The following MINDY3 variants were observed in gnomAD, a reference collection of about 807,000 sequenced individuals.
The protein encoded by MINDY3 is ubiquitin carboxyl-terminal hydrolase MINDY-3.
Under a neutral mutation model 69.2 loss-of-function variants are expected in MINDY3, and 38 were observed. The ratio of observed to expected loss-of-function variants is 0.55; its 90% CI spans 0.42 to 0.72. MINDY3 has a LOEUF of 0.72. Ranked by LOEUF, MINDY3 falls within the 30% of genes least tolerant of loss-of-function variation. The pLI, the probability that MINDY3 is intolerant of heterozygous loss-of-function variation, is 0.00. For synonymous variants in MINDY3, 192 were observed against 180.1 expected (o/e 1.07, Z -0.53); for missense variants, 522 against 519.0 (o/e 1.01, Z -0.06).
intron 3 of MINDY3, among the ~76,000 whole-genome samples, chr10:15,842,926 A>T (rs1345413872): frequency 6.8e-6 from 1 of 146,938 alleles, no homozygotes; most frequent in African/African-American, 2.5e-5. Context: ...AAAAAAAAAG[A>T]CTGTTCTTTA....
chr10:15,812,667 C>CA lies in MINDY3; in HGVS notation c.882+4167dup, dbSNP rs1193263585. On this transcript the variant is annotated intron_variant, in intron 10 of 14. Transcript: ENST00000277632. The stretch of plus-strand genomic sequence containing the variant: ...GGGAAATACAAGAAGAAAGTCATGT[C>CA]AGAGAAGCTACAGCATAGCTCTCCA... 2.6e-5 allele frequency among the ~76,000 whole-genome samples: 4 copies of CA among 152,172 alleles called. No homozygotes were observed. In the East Asian group the frequency reaches 7.7e-4, roughly 29 times the overall value.
intron 8 of MINDY3, among the ~76,000 whole-genome samples, chr10:15,828,913 T>C (rs890094642): frequency 6.6e-6 from 1 of 152,176 alleles, no homozygotes; most frequent in Non-Finnish European, 1.5e-5. Flanking sequence ...AATCCTTAGG[T>C]AAGCTGCTTT....
intron 8 of MINDY3, among the ~76,000 whole-genome samples, chr10:15,827,217 T>TA (rs999963426): frequency 1.8e-5 from 2 of 113,062 alleles, no homozygotes; most frequent in African/African-American, 3.4e-5. Flanking sequence ...AGAAGCCATC[T>TA]AAAAAAAAGA....
At chr10:15,834,755 T>C (rs1479063829) in intron 6 of MINDY3, 139 bp from the exon 7 acceptor site, 3 of 595,096 alleles carry the variant, frequency 5.0e-6, no homozygotes, top group East Asian at 2.8e-5. Context: ...AGATTTGAAA[T>C]GGGGGTGCAT....
intron 10 of MINDY3, among the ~76,000 whole-genome samples, chr10:15,798,781 A>AAAACAAACAAAC (rs147975316): frequency 1.3e-5 from 2 of 151,012 alleles, no homozygotes; most frequent in African/African-American, 4.9e-5. Context: ...CTCTGTCTCA[A>AAAACAAACAAAC]AAACAAACAA....
intron 14 of MINDY3, among the ~76,000 whole-genome samples, 180 bp downstream of exon 14, chr10:15,781,975 T>C (rs1275306730): frequency 6.6e-6 from 1 of 152,158 alleles, no homozygotes; most frequent in Non-Finnish European, 1.5e-5. Flanking sequence ...CAGTTTCCAA[T>C]GCAGACTAAC....
At chr10:15,831,113 AGAG>A (rs1274839391) in intron 8 of MINDY3, among the ~76,000 whole-genome samples, 1 of 152,202 alleles carries the variant, frequency 6.6e-6, no homozygotes, top group Non-Finnish European at 1.5e-5. Flanking sequence ...AGACAGATAA[AGAG>A]GAGAAGGGAT....
chr10:15,823,113 C>G (rs1839879427), intron 8 of MINDY3, among the ~76,000 whole-genome samples: 1 of 152,134 alleles, frequency 6.6e-6, no homozygotes, highest in Non-Finnish European at 1.5e-5. Flanking sequence ...GTAGCCTTAA[C>G]TACAACATCT....
At chr10:15,801,201 G>C (rs561124191) in intron 10 of MINDY3, among the ~76,000 whole-genome samples, 1 of 152,092 alleles carries the variant, frequency 6.6e-6, no homozygotes, top group Non-Finnish European at 1.5e-5. Context: ...TGCCATAAAG[G>C]ACATTTATAA....
At position 15,820,492 on chromosome 10, in the gene MINDY3, G is replaced by A. The variant is rs547381177; in HGVS notation, c.801+1164C>T. Among the ~76,000 whole-genome samples the A allele has an allele frequency of 3.3e-5, 5 of 152,088 alleles. No individual in the cohort carries two copies. The South Asian group carries it at 1.0e-3, about 32-fold the overall frequency. ...ATGCTTAACTTTCTTTAGGATCTAC[G>A]AATGTGTGTGTATATGTGTTAGGGG... On this transcript the variant is annotated intron_variant, in intron 9 of 14. Coordinates refer to ENST00000277632, the MANE Select transcript of MINDY3 (RefSeq NM_024948.4).
chr10:15,852,189 G>T lies in MINDY3; in HGVS notation c.95-4246C>A, dbSNP rs139970017. Among the ~76,000 whole-genome samples the T allele has an allele frequency of 4.6e-5, 7 of 152,106 alleles. No homozygotes were observed. In the East Asian group the frequency reaches 1.2e-3, roughly 25 times the overall value. ...TCTTAATCATCTGCCTTGCCTGACC[G>T]GTGTTGTATCTGTGTTACTGGTCAT... On this transcript the variant is annotated intron_variant, in intron 1 of 14. Coordinates refer to ENST00000277632, the MANE Select transcript of MINDY3 (RefSeq NM_024948.4).
In MINDY3 at chr10:15,816,860, G is replaced by C; in HGVS notation, c.857C>G (p.Thr286Ser). 1.2e-6 allele frequency: 2 copies of C among 1,613,334 alleles called. No individual in the cohort carries two copies. The highest frequency in any genetic ancestry group is 4.5e-5 in the East Asian group (2 of 44,786). ...CTTGGCAAAAAATACGGTGAGGTGA[G>C]TCTCACTGCCAACAATCCAAATAGG... ...KFPIWIVGSETHLTVFFAKDM... is the reference protein window; with the variant it reads ...KFPIWIVGSESHLTVFFAKDM... Residue 286 changes from threonine (T) to serine (S), a missense_variant, in exon 10 of 15, where the codon ACT (threonine) becomes AGT (serine). Transcript: ENST00000277632.
At chr10:15,784,181 A>T (rs948003599) in intron 13 of MINDY3, among the ~76,000 whole-genome samples, 2 of 152,182 alleles carry the variant, frequency 1.3e-5, no homozygotes, top group Non-Finnish European at 2.9e-5. Context: ...AGATAATAGT[A>T]TGGTGTTTGG....
At position 15,818,308 on chromosome 10, in the gene MINDY3, A is replaced by C. The variant is rs371686980; in HGVS notation, c.802-1393T>G. On this transcript the variant is annotated intron_variant, in intron 9 of 14. Transcript: ENST00000277632. ...TCAGAAAAAGTGTGTATTTAAATTA[A>C]GGTAGAAGTAAAAAAAAAAAACAAA... Among the ~76,000 whole-genome samples the C allele has an allele frequency of 1.9e-3, 284 of 151,708 alleles. 8 individuals are homozygous for C. The South Asian group carries it at 0.05, about 27-fold the overall frequency.
intron 1 of MINDY3, among the ~76,000 whole-genome samples, chr10:15,850,538 A>G (rs541203204): frequency 2.0e-5 from 3 of 152,298 alleles, no homozygotes; most frequent in Non-Finnish European, 2.9e-5. Flanking sequence ...ATACAGTTGT[A>G]GATAAGGGAC....
At chr10:15,797,013 G>C (rs996151913) in intron 10 of MINDY3, among the ~76,000 whole-genome samples, 3 of 152,034 alleles carry the variant, frequency 2.0e-5, no homozygotes, top group African/African-American at 7.2e-5. Context: ...AAGTTTCCAA[G>C]TATCCCTTCC....
intron 10 of MINDY3, among the ~76,000 whole-genome samples, chr10:15,805,901 G>C (rs1278305077): frequency 6.6e-6 from 1 of 152,158 alleles, no homozygotes; most frequent in Non-Finnish European, 1.5e-5. Context: ...GTGTGTTGGG[G>C]AGAGAGGTAT....
At chr10:15,829,163 GGGA>G (rs146400905) in intron 8 of MINDY3, among the ~76,000 whole-genome samples, 2,282 of 152,290 alleles carry the variant, frequency 0.015, 45 homozygotes, top group African/African-American at 0.049. Flanking sequence ...GATGATCAGA[GGGA>G]GGAGAAAACT....
At position 15,837,960 on chromosome 10, in the gene MINDY3, A is replaced by C. The variant is rs909509155; in HGVS notation, c.461+268T>G. 29 of 959,752 alleles carry C rather than the reference A, an allele frequency of 3.0e-5. No homozygotes were observed. The Admixed American group carries it at 1.8e-3, about 59-fold the overall frequency. 59.5% of individuals were successfully genotyped at this position (959,752 alleles called of 1,614,324 possible). A position where few individuals can be genotyped will look rare whatever the true frequency, so the allele number is the denominator to read the frequency against. On this transcript the variant is annotated intron_variant, in intron 5 of 14. Transcript: ENST00000277632. Reference sequence around the variant, plus strand: ...TTTAGGTCACAGAAACATTAAGCTAAAATGATTTTTTTTCATTGTAATGAT... The same window carrying C: ...TTTAGGTCACAGAAACATTAAGCTACAATGATTTTTTTTCATTGTAATGAT...
Sources: gnomAD v4.1 joint callset for allele counts (sites outside exome capture counted in the v4.1 genomes callset) on GRCh38, gnomAD v4.1.1 for gene constraint, MANE v1.5 for transcripts, NCBI Gene and HGNC (gene_info 2026-07-23, HGNC 2026-07-21) for gene names.